Variants in TCF25 observed in about 807,000 individuals in gnomAD.
The protein encoded by TCF25 is ribosome quality control complex subunit TCF25.
A neutral mutation model predicts 83.1 loss-of-function variants in TCF25; 41 were observed. The ratio of observed to expected loss-of-function variants is 0.49; its 90% CI spans 0.38 to 0.64. TCF25 has a LOEUF of 0.64. Among genes scored for constraint, TCF25 ranks in the 30% least tolerant of loss-of-function variants. TCF25 has a pLI of 0.00. For missense variants in TCF25, 979 were observed against 914.5 expected, an observed-to-expected ratio of 1.07 and a Z score of -0.91; for synonymous variants, 458 against 365.0, an observed-to-expected ratio of 1.25 and a Z score of -2.90.
intron 6 of TCF25, among the ~76,000 whole-genome samples, 153 bp downstream of exon 6, chr16:89,892,428 A>T (rs2043502553): frequency 6.6e-6 from 1 of 151,994 alleles, no homozygotes; most frequent in African/African-American, 2.4e-5. Context: ...TGCGCTGGGC[A>T]CCAGGGGCGT....
chr16:89,887,802 T>A, intron 5 of TCF25, 85 bp downstream of exon 5: 1 of 1,337,774 alleles, frequency 7.5e-7, no homozygotes, highest in Non-Finnish European at 1.0e-6. Flanking sequence ...TGAAGCTAGT[T>A]TACCCTTGAG....
intron 13 of TCF25, 154 bp from the exon 14 acceptor site, chr16:89,904,783 CA>C: frequency 1.1e-6 from 1 of 881,284 alleles, no homozygotes; most frequent in Non-Finnish European, 1.8e-6. Flanking sequence ...GCCCCAGCCC[CA>C]CGCCCTCAGG....
At chr16:89,895,273 C>A in intron 8 of TCF25, 136 bp downstream of exon 8, 1 of 752,658 alleles carries the variant, frequency 1.3e-6, no homozygotes, top group East Asian at 2.8e-5. Flanking sequence ...CTACGTAGCA[C>A]AAAACTTACC....
At position 89,895,098 on chromosome 16, in the gene TCF25, C is replaced by T. The variant is rs568520143; in HGVS notation, c.889C>T (p.Arg297Cys). The change falls in exon 8 of 18, where the codon CGC (arginine) becomes TGC (cysteine). Residue 297 changes from arginine (R) to cysteine (C), a missense_variant. Arg to Cys is a radical substitution (Grantham distance 180). Transcript: ENST00000263346. ...ACTCCTGCAGCTCAGCGATGCCTGC[C>T]GCTTTCAAGAGGATCAGGAGATGGC... Reference protein sequence around the residue: ...DSLLQLSDACRFQEDQEMARD... With the variant: ...DSLLQLSDACCFQEDQEMARD... 9.9e-6 allele frequency: 16 copies of T among 1,613,252 alleles called. No individual in the cohort carries two copies. The highest frequency in any genetic ancestry group is 3.3e-5 in the Admixed American group (2 of 60,000).
chr16:89,876,118 G>C (rs1338505201), intron 1 of TCF25, among the ~76,000 whole-genome samples: 2 of 152,058 alleles, frequency 1.3e-5, no homozygotes, highest in African/African-American at 4.8e-5. Context: ...ACAAACCCTT[G>C]TGGACTTTCT....
chr16:89,904,974 C>T lies in TCF25; in HGVS notation c.1506C>T (p.Tyr502=), dbSNP rs1221160037. Residue 502 remains tyrosine, a synonymous_variant, in exon 14 of 18, where the codon TAC becomes TAT. Transcript: ENST00000263346. ...PPALSQLVNL[Y]LGRSHFLWKE... ...CCCTGAGCCAGCTGGTGAACCTGTA[C>T]CTTGGGAGGTCACACTTTCTCTGGA... 6.2e-7 allele frequency: 1 copy of T among 1,608,428 alleles called. No individual in the cohort carries two copies. Among genetic ancestry groups the T allele is most frequent in the Non-Finnish European group, 8.5e-7 (1 of 1,177,780 alleles).
At chr16:89,885,793 C>A (rs2042959300) in intron 3 of TCF25, 55 bp from the exon 4 acceptor site, 3 of 1,394,918 alleles carry the variant, frequency 2.2e-6, no homozygotes, top group South Asian at 2.3e-5. Context: ...GTTATTGTTA[C>A]AATATTTAAA....
intron 1 of TCF25, among the ~76,000 whole-genome samples, chr16:89,877,852 T>G (rs779768421): frequency 9.9e-5 from 15 of 152,224 alleles, no homozygotes; most frequent in South Asian, 8.3e-4. Context: ...AAGGAACTTC[T>G]TGCTAATAAA....
intron 12 of TCF25, among the ~76,000 whole-genome samples, chr16:89,903,320 G>A (rs1012439321): frequency 2.6e-5 from 4 of 152,222 alleles, no homozygotes; most frequent in Non-Finnish European, 5.9e-5. Context: ...CTCTTCCACT[G>A]GGCACAGGTG....
In TCF25 at chr16:89,906,110, G is replaced by C; in HGVS notation, c.1629-84G>C. 6 of 1,177,510 alleles carry C rather than the reference G, an allele frequency of 5.1e-6. No homozygotes were observed. In the Admixed American group the frequency reaches 1.0e-4, roughly 20 times the overall value. The allele number at this position is 1,177,510 out of a possible 1,614,324, so 72.9% of individuals were successfully genotyped here. A position where few individuals can be genotyped will look rare whatever the true frequency, so the allele number is the denominator to read the frequency against. On this transcript the variant is annotated intron_variant, in intron 14 of 17. Coordinates refer to ENST00000263346, the MANE Select transcript of TCF25 (RefSeq NM_014972.3). ...TGCAGCGAGATGCCTCGTGCTGGGT[G>C]GGGGTGGGGGCCGAGGCTCCATGGC...
intron 15 of TCF25, 92 bp from the exon 16 acceptor site, chr16:89,907,151 C>G (rs775247327): frequency 1.6e-6 from 2 of 1,262,224 alleles, no homozygotes; most frequent in African/African-American, 1.5e-5. Flanking sequence ...TGCATCCAGT[C>G]CATGCTGGAG....
chr16:89,899,865 C>T (rs1389879988), intron 11 of TCF25, among the ~76,000 whole-genome samples: 1 of 152,200 alleles, frequency 6.6e-6, no homozygotes, highest in African/African-American at 2.4e-5. Context: ...GGCGACAGCT[C>T]TTGACTTTCT....
intron 16 of TCF25, among the ~76,000 whole-genome samples, chr16:89,907,543 TCTCCCAG>T (rs1353486086): frequency 1.4e-3 from 3 of 2,092 alleles, no homozygotes; most frequent in East Asian, 0.016. Context: ...CTACCTCCCA[TCTCCCAG>T]CTCCCAGCTG....
intron 16 of TCF25, among the ~76,000 whole-genome samples, chr16:89,908,598 CCTCCCT>C (rs2045229803): frequency 3.8e-5 from 1 of 26,052 alleles, no homozygotes; most frequent in Non-Finnish European, 1.0e-4. Flanking sequence ...CCAGCTCCCG[CCTCCCT>C]CCTCCCAGCT....
intron 1 of TCF25, among the ~76,000 whole-genome samples, chr16:89,881,698 G>A (rs1343333082): frequency 6.6e-6 from 1 of 152,000 alleles, no homozygotes; most frequent in African/African-American, 2.4e-5. Context: ...TCCTGCCTCA[G>A]CCTCCCAAAG....
rs1288733167 is a variant in TCF25, at chr16:89,887,793, G to A, written c.614+76G>A. 2.2e-6 allele frequency: 3 copies of A among 1,388,834 alleles called. No individual in the cohort carries two copies. The African/African-American group carries it at 4.5e-5, about 21-fold the overall frequency. 86.0% of individuals were successfully genotyped at this position (1,388,834 alleles called of 1,614,324 possible). A position where few individuals can be genotyped will look rare whatever the true frequency, so the allele number is the denominator to read the frequency against. ...ACTCTTGGCCGGGGGTGGTGTTCCTGAAGCTAGTTTACCCTTGAGGGAGAG... is the reference window on the plus strand; with the variant it reads ...ACTCTTGGCCGGGGGTGGTGTTCCTAAAGCTAGTTTACCCTTGAGGGAGAG... On this transcript the variant is annotated intron_variant, in intron 5 of 17. Coordinates refer to ENST00000263346, the MANE Select transcript of TCF25 (RefSeq NM_014972.3).
chr16:89,906,421 G>T (rs902114107), intron 15 of TCF25, 137 bp downstream of exon 15: 8 of 774,942 alleles, frequency 1.0e-5, no homozygotes, highest in South Asian at 4.8e-5. Context: ...CAGGGGCAGG[G>T]TCTAGTGCAG....
intron 1 of TCF25, among the ~76,000 whole-genome samples, chr16:89,877,667 T>C (rs1414192881): frequency 1.3e-5 from 2 of 152,112 alleles, no homozygotes; most frequent in Non-Finnish European, 2.9e-5. Flanking sequence ...GAATAGAGTA[T>C]GGACACGATG....
intron 2 of TCF25, 58 bp downstream of exon 2, chr16:89,883,570 C>T (rs2042763105): frequency 6.6e-7 from 1 of 1,511,082 alleles, no homozygotes; most frequent in Non-Finnish European, 8.9e-7. Flanking sequence ...AGGCACCCAG[C>T]CACGTGTATC....
Sources: gnomAD v4.1 joint callset for allele counts (sites outside exome capture counted in the v4.1 genomes callset) on GRCh38, gnomAD v4.1.1 for gene constraint, MANE v1.5 for transcripts, NCBI Gene and HGNC (gene_info 2026-07-23, HGNC 2026-07-21) for gene names.